MAP3K5: variants seen among roughly 807,000 people sequenced by gnomAD.
MAP3K5 encodes mitogen-activated protein kinase kinase kinase 5, also known as ASK-1.
A neutral mutation model predicts 158.7 loss-of-function variants in MAP3K5; 56 were observed. That is an observed-to-expected ratio of 0.35 (90% CI 0.28 to 0.44). MAP3K5 has a LOEUF of 0.44. Among genes scored for constraint, MAP3K5 ranks in the 20% least tolerant of loss-of-function variants. The probability of loss-of-function intolerance (pLI) is 1.00; values close to 1 mark genes in which losing one functional copy is unlikely to be tolerated. For missense variants in MAP3K5, 1,294 were observed against 1,674.8 expected, an observed-to-expected ratio of 0.77 and a Z score of 3.97; for synonymous variants, 579 against 601.7, an observed-to-expected ratio of 0.96 and a Z score of 0.55.
In MAP3K5 at chr6:136,611,360, T is replaced by C; in HGVS notation, c.2443A>G (p.Ser815Gly). 1.2e-6 allele frequency: 2 copies of C among 1,610,958 alleles called. No individual in the cohort carries two copies. The highest frequency in any genetic ancestry group is 1.7e-6 in the Non-Finnish European group (2 of 1,177,292). The change falls in exon 18 of 30, where the codon AGT (serine) becomes GGT (glycine). Residue 815 changes from serine to glycine, a missense_variant. Ser to Gly is a moderately conservative substitution (Grantham distance 56, BLOSUM62 0). Coordinates refer to ENST00000359015, the MANE Select transcript of MAP3K5 (RefSeq NM_005923.4). ...KGDNVLINTY[S>G]GVLKISDFGT... ...AAGTCAGAGATCTTGAGAACACCAC[T>C]GTAGGTATTAATCAACACATTGTCA...
In MAP3K5 at chr6:136,557,864, A is replaced by G. The variant is rs1248511954; in HGVS notation, c.4065-46T>C. ...ATGGTGAAACGAACATTTCATTTGA[A>G]ACATTGCCCTTGAAATAGAAAAGTG... On this transcript the variant is annotated intron_variant, in intron 29 of 29. Coordinates refer to ENST00000359015, the MANE Select transcript of MAP3K5 (RefSeq NM_005923.4). 7.1e-6 allele frequency: 9 copies of G among 1,264,996 alleles called. No homozygotes were observed. The East Asian group carries it at 2.1e-4, about 29-fold the overall frequency. The allele number at this position is 1,264,996 out of a possible 1,614,324, so 78.4% of individuals were successfully genotyped here.
chr6:136,656,223 C>A, intron 10 of MAP3K5, 84 bp downstream of exon 10: 2 of 1,241,946 alleles, frequency 1.6e-6, no homozygotes, highest in South Asian at 2.5e-5. Flanking sequence ...CACCAAAAAT[C>A]AGCCCCCAAG....
intron 1 of MAP3K5, among the ~76,000 whole-genome samples, chr6:136,781,089 C>CA (rs1318298541): frequency 4.6e-5 from 7 of 152,184 alleles, no homozygotes; most frequent in Non-Finnish European, 1.0e-4. Flanking sequence ...CATCAGACTC[C>CA]AGAGCCAGCA....
At chr6:136,649,333 AC>A (rs1778417272) in intron 11 of MAP3K5, among the ~76,000 whole-genome samples, 1 of 152,210 alleles carries the variant, frequency 6.6e-6, no homozygotes, top group African/African-American at 2.4e-5. Flanking sequence ...CCAGGGAACC[AC>A]ATCTTGAAAA....
intron 24 of MAP3K5, among the ~76,000 whole-genome samples, chr6:136,581,893 G>C (rs1310018481): frequency 2.6e-5 from 4 of 152,146 alleles, no homozygotes; most frequent in African/African-American, 9.7e-5. Context: ...GACCAGCCTA[G>C]CCAACATGGC....
intron 25 of MAP3K5, among the ~76,000 whole-genome samples, chr6:136,571,514 T>C (rs1774365608): frequency 6.6e-6 from 1 of 152,246 alleles, no homozygotes. Context: ...TTTGTCTTTT[T>C]GTGACTGGCT....
intron 1 of MAP3K5, among the ~76,000 whole-genome samples, chr6:136,781,527 A>G (rs1784611889): frequency 1.3e-5 from 2 of 152,258 alleles, no homozygotes; most frequent in South Asian, 4.1e-4. Context: ...ATAGAGAACG[A>G]AACATCTGTA....
intron 23 of MAP3K5, among the ~76,000 whole-genome samples, chr6:136,589,852 G>A (rs933591817): frequency 2.0e-5 from 3 of 152,184 alleles, no homozygotes; most frequent in South Asian, 2.1e-4. Flanking sequence ...CCAGAACTGT[G>A]AGAAAATACA....
At position 136,614,292 on chromosome 6, in the gene MAP3K5, A is replaced by T; in HGVS notation, c.2151-6T>A. ...CATGCAGGGGCTGAGAGTATCTAAA[A>T]GACATGCAATTGTCAATGAGTTAAT... On this transcript the variant is annotated splice_region_variant and splice_polypyrimidine_tract_variant and intron_variant, in intron 15 of 29. Transcript: ENST00000359015. 6.2e-7 allele frequency: 1 copy of T among 1,611,478 alleles called. No homozygotes were observed. The highest frequency in any genetic ancestry group is 8.5e-7 in the Non-Finnish European group (1 of 1,178,858).
intron 24 of MAP3K5, among the ~76,000 whole-genome samples, chr6:136,582,029 C>T (rs9376208): frequency 6.6e-6 from 1 of 151,622 alleles, no homozygotes; most frequent in Non-Finnish European, 1.5e-5. Flanking sequence ...GTTGCAGTGA[C>T]CTGAGATCAT....
intron 11 of MAP3K5, among the ~76,000 whole-genome samples, chr6:136,644,355 G>A (rs1257916513): frequency 1.3e-5 from 2 of 152,200 alleles, no homozygotes; most frequent in African/African-American, 2.4e-5. Context: ...GAGCTGTAAA[G>A]CCAACAGGTA....
At chr6:136,568,621 TC>T in intron 25 of MAP3K5, among the ~76,000 whole-genome samples, 1 of 152,246 alleles carries the variant, frequency 6.6e-6, no homozygotes, top group Non-Finnish European at 1.5e-5. Context: ...ACGCCTGTAA[TC>T]CCAGCACTTT....
rs376768353 is a variant in MAP3K5, at chr6:136,767,446, G to A, written c.448+24264C>T. 8.3e-4 allele frequency among the ~76,000 whole-genome samples: 126 copies of A among 152,192 alleles called. 1 individual carries two copies. The highest frequency in any genetic ancestry group is 4.4e-3 in the South Asian group (21 of 4,820). On this transcript the variant is annotated intron_variant, in intron 1 of 29. Transcript: ENST00000359015. Reference sequence around the variant, plus strand: ...GGGCAGGGAGGGAAAACCACCCACCGCTGGGCTGTGATAAATGACAATAAA... The same window carrying A: ...GGGCAGGGAGGGAAAACCACCCACCACTGGGCTGTGATAAATGACAATAAA...
chr6:136,691,546 G>T (rs1780388357), intron 7 of MAP3K5, among the ~76,000 whole-genome samples: 2 of 151,878 alleles, frequency 1.3e-5, no homozygotes, highest in South Asian at 4.2e-4. Flanking sequence ...CGGAGGCAGA[G>T]GTTGCAGTGA....
Position 136,657,611 on chromosome 6 carries a change from G to A in MAP3K5, c.1527-1151C>T, listed in dbSNP as rs528772278. On this transcript the variant is annotated intron_variant, in intron 9 of 29. Coordinates refer to ENST00000359015, the MANE Select transcript of MAP3K5 (RefSeq NM_005923.4). ...AACACCAAGAATAAATATCCATGGA[G>A]ATATGACTAAACAGAGAGACAACTT... Among the ~76,000 whole-genome samples, 11 of 152,266 alleles carry A rather than the reference G, an allele frequency of 7.2e-5. No individual in the cohort carries two copies. The South Asian group carries it at 2.3e-3, about 32-fold the overall frequency.
chr6:136,591,375 T>C (rs60094782), intron 23 of MAP3K5, among the ~76,000 whole-genome samples: 208 of 152,350 alleles, frequency 1.4e-3, no homozygotes, highest in African/African-American at 4.7e-3. Flanking sequence ...CCAGGGCGGG[T>C]GCCCGCCTGG....
chr6:136,762,143 T>C (rs753476550), intron 1 of MAP3K5, among the ~76,000 whole-genome samples: 7 of 152,176 alleles, frequency 4.6e-5, no homozygotes, highest in Non-Finnish European at 8.8e-5. Flanking sequence ...AGAACAACAC[T>C]GTCAGTCTGG....
chr6:136,650,988 T>G lies in MAP3K5; in HGVS notation c.1784A>C (p.Asp595Ala), dbSNP rs745506571. The G allele has an allele frequency of 2.5e-6, 4 of 1,602,612 alleles. No individual in the cohort carries two copies. In the Admixed American group the frequency reaches 6.7e-5, roughly 27 times the overall value. Residue 595 changes from aspartate (D) to alanine (A), a missense_variant, in exon 11 of 30, where the codon GAC becomes GCC. Asp to Ala is a moderately radical substitution (Grantham distance 126, BLOSUM62 -2). Transcript: ENST00000359015. ...GTTAATAACTGCACAATTTACCTTG[T>G]CATCAGGAAGCACGTGCCAAATAGA... ...TISIWHVLPDDKKGIHEWNFS... is the reference protein window; with the variant it reads ...TISIWHVLPDAKKGIHEWNFS...
At chr6:136,600,916 C>G (rs1261863756) in intron 21 of MAP3K5, 106 bp downstream of exon 21, 1 of 1,175,586 alleles carries the variant, frequency 8.5e-7, no homozygotes. Context: ...TCCTTTCCCC[C>G]CATGTAAGCC....
Sources: gnomAD v4.1 joint callset for allele counts (sites outside exome capture counted in the v4.1 genomes callset) on GRCh38, gnomAD v4.1.1 for gene constraint, MANE v1.5 for transcripts, NCBI Gene and HGNC (gene_info 2026-07-23, HGNC 2026-07-21) for gene names.